The following NHLRC3 variants were observed in gnomAD, a reference collection of about 807,000 sequenced individuals.
NHLRC3 encodes the protein NHL repeat-containing protein 3.
In NHLRC3, 23 loss-of-function variants were observed where a neutral mutation model predicts 32.0. The observed-to-expected ratio is 0.72, with a 90% CI of 0.52 to 1.02. The LOEUF (loss-of-function observed/expected upper bound fraction) is 1.02, where lower values mean the gene tolerates loss of function less well. Among genes scored for constraint, NHLRC3 ranks in the 50% least tolerant of loss-of-function variants. The pLI is 0.00. For missense variants in NHLRC3, 407 were observed against 406.8 expected, an observed-to-expected ratio of 1.00 and a Z score of -0.01; for synonymous variants, 159 against 147.9, an observed-to-expected ratio of 1.08 and a Z score of -0.55.
Position 39,039,179 on chromosome 13 carries a change from A to C in NHLRC3, c.128A>C (p.Lys43Thr), listed in dbSNP as rs746272962. Reference protein sequence around the residue: ...FTFAVSWRTEKILYRLDVGWP... With the variant: ...FTFAVSWRTETILYRLDVGWP... ...TTTGCAGTTTCCTGGAGAACTGAGA[A>C]AATTCTTTACCGGCTGGATGTGGGT... Residue 43 changes from lysine to threonine, a missense_variant, in exon 2 of 7, where the codon AAA becomes ACA. Coordinates refer to ENST00000379600, the MANE Select transcript of NHLRC3 (RefSeq NM_001012754.4). 6 of 1,613,886 alleles carry C rather than the reference A, an allele frequency of 3.7e-6. No homozygotes were observed. The highest frequency in any genetic ancestry group is 4.5e-5 in the East Asian group (2 of 44,888).
chr13:39,047,776 G>C lies in NHLRC3; in HGVS notation c.894G>C (p.Val298=), dbSNP rs926502416. ...PPVGSIGECS[V]ISTIQLADQV... ...TGGGAAGCATTGGGGAGTGTTCTGT[G>C]ATCAGCACAATCCAACTAGCAGATC... The change falls in exon 7 of 7, where the codon GTG becomes GTC. Residue 298 remains valine (V), a synonymous_variant. Coordinates refer to ENST00000379600, the MANE Select transcript of NHLRC3 (RefSeq NM_001012754.4). The C allele has an allele frequency of 3.7e-6, 6 of 1,613,992 alleles. No individual in the cohort carries two copies. The Admixed American group carries it at 8.3e-5, about 22-fold the overall frequency.
chr13:39,038,581 C>G lies in NHLRC3; in HGVS notation c.-59C>G, dbSNP rs976550317. 16 of 1,415,120 alleles carry G rather than the reference C, an allele frequency of 1.1e-5. No individual in the cohort carries two copies. In the Middle Eastern group the frequency reaches 5.4e-4, roughly 47 times the overall value. The allele number at this position is 1,415,120 out of a possible 1,614,324, so 87.7% of individuals were successfully genotyped here. Reference sequence around the variant, plus strand: ...CGCTGCAAACCGTTGCAGCCTGAGGCTGTCAGGTCCTCCCCCAGACACCTG... The same window carrying G: ...CGCTGCAAACCGTTGCAGCCTGAGGGTGTCAGGTCCTCCCCCAGACACCTG... On this transcript the variant is annotated 5_prime_UTR_variant, in exon 1 of 7. Transcript: ENST00000379600.
At position 39,038,623 on chromosome 13, in the gene NHLRC3, T is replaced by A; in HGVS notation, c.-17T>A. The A allele has an allele frequency of 6.2e-7, 1 of 1,612,530 alleles. No individual in the cohort carries two copies. On this transcript the variant is annotated 5_prime_UTR_variant, in exon 1 of 7. Transcript: ENST00000379600. The stretch of plus-strand genomic sequence containing the variant: ...AGACACCTGCGGACCCTCCCTCTCC[T>A]GGCTTCCCGTCTGGTCATGGCGAGA...
rs766339784 is a variant in NHLRC3, at chr13:39,039,598, C to A, written c.272C>A (p.Thr91Lys). 1 of 1,611,966 alleles carries A rather than the reference C, an allele frequency of 6.2e-7. No homozygotes were observed. The highest frequency in any genetic ancestry group is 1.7e-5 in the Admixed American group (1 of 60,016). ...GDNIPKILVF[T>K]EDGYFLRAWN... ...AACATCCCAAAGATATTAGTGTTCACAGAGGATGGATATTTCCTACGAGCC... is the reference window on the plus strand; with the variant it reads ...AACATCCCAAAGATATTAGTGTTCAAAGAGGATGGATATTTCCTACGAGCC... Residue 91 changes from threonine (T) to lysine (K), a missense_variant, in exon 3 of 7, where the codon ACA (threonine) becomes AAA (lysine). Thr to Lys is a moderately conservative substitution (Grantham distance 78). Coordinates refer to ENST00000379600, the MANE Select transcript of NHLRC3 (RefSeq NM_001012754.4).
In NHLRC3 at chr13:39,050,080, C is replaced by T. The variant is rs968231795; in HGVS notation, c.*2154C>T. ...GAAAAGGCAATATTATCTGGCTCCC[C>T]AATTAAAGTTTGATTTTATTGTCAC... On this transcript the variant is annotated 3_prime_UTR_variant, in exon 7 of 7. Coordinates refer to ENST00000379600, the MANE Select transcript of NHLRC3 (RefSeq NM_001012754.4). The T allele has an allele frequency of 6.6e-6, 1 of 152,192 alleles. No homozygotes were observed. The allele number at this position is 152,192 out of a possible 1,614,324, so 9.4% of individuals were successfully genotyped here. A position where few individuals can be genotyped will look rare whatever the true frequency, so the allele number is the denominator to read the frequency against.
At chr13:39,043,367 A>G (rs1449388007) in intron 4 of NHLRC3, among the ~76,000 whole-genome samples, 1 of 152,182 alleles carries the variant, frequency 6.6e-6, no homozygotes, top group Non-Finnish European at 1.5e-5. Context: ...GAAGTTAGAA[A>G]TCTGGTAGAC....
Position 39,049,402 on chromosome 13 carries a change from T to C in NHLRC3, c.*1476T>C, listed in dbSNP as rs977407390. 1 of 152,186 alleles carries C rather than the reference T, an allele frequency of 6.6e-6. No individual in the cohort carries two copies. The highest frequency in any genetic ancestry group is 2.4e-5 in the African/African-American group (1 of 41,452). The allele number at this position is 152,186 out of a possible 1,614,324, so 9.4% of individuals were successfully genotyped here. ...ATCGGACTGTATGACCTTAAACAAG[T>C]CACCTTAGTTTTCAGTGAAATGGGA... On this transcript the variant is annotated 3_prime_UTR_variant, in exon 7 of 7. Transcript: ENST00000379600.
At position 39,042,061 on chromosome 13, in the gene NHLRC3, G is replaced by A. The variant is rs774005669; in HGVS notation, c.386-44G>A. The A allele has an allele frequency of 2.6e-6, 3 of 1,165,314 alleles. No individual in the cohort carries two copies. The African/African-American group carries it at 4.6e-5, about 18-fold the overall frequency. The allele number at this position is 1,165,314 out of a possible 1,614,324, so 72.2% of individuals were successfully genotyped here. On this transcript the variant is annotated intron_variant, in intron 3 of 6. Transcript: ENST00000379600. Reference sequence around the variant, plus strand: ...GCTTACTTGAAAAATCTGAATGTTTGTATAGTGGTTTTATTTGTGAGATGT... The same window carrying A: ...GCTTACTTGAAAAATCTGAATGTTTATATAGTGGTTTTATTTGTGAGATGT...
chr13:39,041,003 T>G (rs757239659), intron 3 of NHLRC3: 1 of 152,186 alleles, frequency 6.6e-6, no homozygotes, highest in Non-Finnish European at 1.5e-5. Flanking sequence ...TAAAGACCAT[T>G]TCTTTGAGTT....
chr13:39,043,695 G>A (rs978326360), intron 4 of NHLRC3, among the ~76,000 whole-genome samples: 7 of 152,154 alleles, frequency 4.6e-5, no homozygotes, highest in South Asian at 2.1e-4. Context: ...TGAACCCACC[G>A]TAGTGCGTAA....
In NHLRC3 at chr13:39,044,171, C is replaced by A. The variant is rs773708892; in HGVS notation, c.668C>A (p.Ser223Ter). Residue 223 changes from serine to a stop codon, truncating the protein, a stop_gained, in exon 5 of 7, where the codon TCA becomes TAA. Transcript: ENST00000379600. LOFTEE classifies it high-confidence loss of function. Reference sequence around the variant, plus strand: ...ATACCTCACAGTGTTACACTTGATTCAGCTGGTCGGGTACAAATACAGCGT... The same window carrying A: ...ATACCTCACAGTGTTACACTTGATTAAGCTGGTCGGGTACAAATACAGCGT... ...FNIPHSVTLDSAGRVWVADRG... is the reference protein window; with the variant it reads ...FNIPHSVTLD 5.6e-6 allele frequency: 9 copies of A among 1,610,536 alleles called. No individual in the cohort carries two copies. In the South Asian group the frequency reaches 9.9e-5, roughly 18 times the overall value.
chr13:39,047,085 A>G lies in NHLRC3; in HGVS notation c.724A>G (p.Lys242Glu), dbSNP rs2138157792. The G allele has an allele frequency of 6.2e-7, 1 of 1,613,418 alleles. No homozygotes were observed. The highest frequency in any genetic ancestry group is 1.7e-4 in the Middle Eastern group (1 of 6,060). The change falls in exon 6 of 7, where the codon AAA becomes GAA. Residue 242 changes from lysine (K) to glutamate (E), a missense_variant. Coordinates refer to ENST00000379600, the MANE Select transcript of NHLRC3 (RefSeq NM_001012754.4). Reference sequence around the variant, plus strand: ...AAATAAAAGAATCCAAGTATTTGATAAAGACACTGGGGAGTGGTTAGGAGC... The same window carrying G: ...AAATAAAAGAATCCAAGTATTTGATGAAGACACTGGGGAGTGGTTAGGAGC... ...RGNKRIQVFD[K>E]DTGEWLGAWN...
chr13:39,039,114 G>C, intron 1 of NHLRC3, 22 bp from the exon 2 acceptor site: 1 of 1,340,430 alleles, frequency 7.5e-7, no homozygotes, highest in Non-Finnish European at 1.0e-6. Flanking sequence ...AACTAAATCT[G>C]AATTGTCTGA....
At chr13:39,038,790 GTCGTGGC>G in intron 1 of NHLRC3, 67 bp downstream of exon 1, 1 of 1,309,280 alleles carries the variant, frequency 7.6e-7, no homozygotes, top group East Asian at 2.3e-5. Context: ...CGTCGCCACG[GTCGTGGC>G]ATGGAGGTGG....
intron 4 of NHLRC3, among the ~76,000 whole-genome samples, chr13:39,043,836 T>G (rs1163303149): frequency 6.6e-6 from 1 of 152,082 alleles, no homozygotes; most frequent in Non-Finnish European, 1.5e-5. Context: ...AACAATGATT[T>G]TGAAGCAGTC....
rs1369628844 is a variant in NHLRC3 at position 39,042,212 on chromosome 13, A to G, written c.493A>G (p.Asn165Asp). 4 of 1,611,236 alleles carry G rather than the reference A, an allele frequency of 2.5e-6. No homozygotes were observed. The South Asian group carries it at 4.4e-5, about 18-fold the overall frequency. The change falls in exon 4 of 7, where the codon AAC becomes GAC. Residue 165 changes from asparagine (N) to aspartate (D), a missense_variant. Physicochemically the swap from Asn to Asp is conservative, Grantham distance 23. Transcript: ENST00000379600. ...TAGTTTGAATCCTTTGCAGTTTGAT[A>G]ACCCAGCAGAATTATATGTAGAGGA... Reference protein sequence around the residue: ...GTSLNPLQFDNPAELYVEDTG... With the variant: ...GTSLNPLQFDDPAELYVEDTG...
rs765210940 is a variant in NHLRC3 at position 39,047,809 on chromosome 13, G to A, written c.927G>A (p.Leu309=). 6.2e-7 allele frequency: 1 copy of A among 1,614,096 alleles called. No homozygotes were observed. The highest frequency in any genetic ancestry group is 8.5e-7 in the Non-Finnish European group (1 of 1,180,032). The stretch of plus-strand genomic sequence containing the variant: ...CAATCCAACTAGCAGATCAAGTTTT[G>A]CCACATCTCCTAGAAGTCGACAGAA... The part of the protein sequence containing the change: ...ISTIQLADQV[L]PHLLEVDRKT... Residue 309 remains leucine, a synonymous_variant, in exon 7 of 7, where the codon TTG becomes TTA. Transcript: ENST00000379600.
In NHLRC3 at chr13:39,042,184, C is replaced by T. The variant is rs1055167296; in HGVS notation, c.465C>T (p.Gly155=). The T allele has an allele frequency of 8.1e-6, 13 of 1,611,248 alleles. No individual in the cohort carries two copies. In the African/African-American group the frequency reaches 1.6e-4, roughly 20 times the overall value. ...VQVLGTPGKK[G]TSLNPLQFDN... is the part of the protein sequence containing the mutation. ...TCTTGGGTACTCCAGGCAAAAAAGG[C>T]ACTAGTTTGAATCCTTTGCAGTTTG... The change falls in exon 4 of 7, where the codon GGC becomes GGT. Residue 155 remains glycine, a synonymous_variant. Transcript: ENST00000379600.
In NHLRC3 at chr13:39,039,654, A is replaced by G; in HGVS notation, c.328A>G (p.Ile110Val). 6.2e-7 allele frequency: 1 copy of G among 1,612,898 alleles called. No homozygotes were observed. Among genetic ancestry groups the G allele is most frequent in the Non-Finnish European group, 8.5e-7 (1 of 1,178,906 alleles). Residue 110 changes from isoleucine to valine, a missense_variant, in exon 3 of 7, where the codon ATA becomes GTA. Physicochemically the swap from Ile to Val is conservative, Grantham distance 29. Coordinates refer to ENST00000379600, the MANE Select transcript of NHLRC3 (RefSeq NM_001012754.4). ...TTATACAGTTGACACACCTCATGGT[A>G]TATTTGCAGCCAGTACTCTATATGA... is the stretch of plus-strand genomic sequence containing the variant. ...WNYTVDTPHG[I>V]FAASTLYEQS...
Sources: allele counts gnomAD v4.1 joint callset (sites outside exome capture counted in the v4.1 genomes callset), GRCh38; gene constraint gnomAD v4.1.1; transcripts MANE v1.5; gene names NCBI Gene and HGNC (gene_info 2026-07-23, HGNC 2026-07-21).